Variants in PPP5C observed in about 807,000 individuals in gnomAD.
PPP5C encodes protein phosphatase 5 catalytic subunit.
In PPP5C, 21 loss-of-function variants were observed where a neutral mutation model predicts 66.7. That is an observed-to-expected ratio of 0.31 (90% CI 0.22 to 0.45). The LOEUF (loss-of-function observed/expected upper bound fraction) is 0.45. PPP5C is among the 20% of genes least tolerant of loss of function. PPP5C has a pLI of 1.00. For missense variants in PPP5C, 464 were observed against 675.9 expected (o/e 0.69, Z 3.48); for synonymous variants, 246 against 257.4 (o/e 0.96, Z 0.43).
At chr19:46,373,242 G>A (rs1171298014) in intron 2 of PPP5C, among the ~76,000 whole-genome samples, 4 of 152,242 alleles carry the variant, frequency 2.6e-5, no homozygotes, top group Non-Finnish European at 5.9e-5. Context: ...GGTGGTGGAA[G>A]GGGAGCCCAT....
intron 6 of PPP5C, 172 bp from the exon 7 acceptor site, chr19:46,384,632 A>G: frequency 1.7e-6 from 1 of 581,118 alleles, no homozygotes. Flanking sequence ...GGAAAGGATT[A>G]GAAACCCAGA....
chr19:46,354,172 C>T (rs947281212), intron 2 of PPP5C, among the ~76,000 whole-genome samples, 183 bp downstream of exon 2: 2 of 152,264 alleles, frequency 1.3e-5, no homozygotes, highest in African/African-American at 4.8e-5. Context: ...AGCCATCTCA[C>T]ATTTTGTGAC....
chr19:46,388,708 C>A lies in PPP5C; in HGVS notation c.1332C>A (p.Thr444=). ...TGGCTCACGGAGGCCGCTGTGTCAC[C>A]GTCTTCTCTGCCCCCAACTACTGGT... ...YEVAHGGRCV[T]VFSAPNYCDQ... Residue 444 remains threonine, a synonymous_variant, in exon 11 of 13, where the codon ACC becomes ACA. Transcript: ENST00000012443. This position sits in a 1 kb window ranked among gnomAD's most constrained non-coding sequence, Gnocchi z 4.9. The A allele has an allele frequency of 6.2e-7, 1 of 1,614,150 alleles. No individual in the cohort carries two copies. The highest frequency in any genetic ancestry group is 8.5e-7 in the Non-Finnish European group (1 of 1,180,006).
At chr19:46,370,890 G>A (rs992768720) in intron 2 of PPP5C, among the ~76,000 whole-genome samples, 2 of 152,072 alleles carry the variant, frequency 1.3e-5, no homozygotes, top group African/African-American at 4.8e-5. Context: ...ACAGGTGCCC[G>A]CCACTGCGTC....
At chr19:46,377,121 G>C (rs964481333) in intron 4 of PPP5C, among the ~76,000 whole-genome samples, 16 of 152,290 alleles carry the variant, frequency 1.1e-4, no homozygotes, top group African/African-American at 3.6e-4. Context: ...CCACCTCCTG[G>C]GTTGGTTATG....
At chr19:46,364,207 C>CGT (rs71961872) in intron 2 of PPP5C, among the ~76,000 whole-genome samples, 95 of 151,998 alleles carry the variant, frequency 6.3e-4, no homozygotes, top group African/African-American at 1.5e-3. Flanking sequence ...TATATATATA[C>CGT]GTGTGTGTGT....
At chr19:46,366,809 C>T (rs966842796) in intron 2 of PPP5C, among the ~76,000 whole-genome samples, 5 of 152,180 alleles carry the variant, frequency 3.3e-5, no homozygotes, top group African/African-American at 9.7e-5. Flanking sequence ...CTAGAGTCCA[C>T]GTAGCACGTG....
rs577565129 is a variant in PPP5C, at chr19:46,385,709, G to A, written c.904+800G>A. On this transcript the variant is annotated intron_variant, in intron 7 of 12. Coordinates refer to ENST00000012443, the MANE Select transcript of PPP5C (RefSeq NM_006247.4). ...GCAGGAGAATCGCTTGAACCCAGGAGGCACATGTTGCAATGAGCCGAGATT... is the reference window on the plus strand; with the variant it reads ...GCAGGAGAATCGCTTGAACCCAGGAAGCACATGTTGCAATGAGCCGAGATT... 2.6e-5 allele frequency among the ~76,000 whole-genome samples: 4 copies of A among 151,984 alleles called. No homozygotes were observed. In the South Asian group the frequency reaches 8.3e-4, roughly 32 times the overall value.
chr19:46,362,354 G>A (rs949888785), intron 2 of PPP5C, among the ~76,000 whole-genome samples: 2 of 151,960 alleles, frequency 1.3e-5, no homozygotes, highest in Admixed American at 6.6e-5. Flanking sequence ...AGTATCTTTT[G>A]TTTCTCTAAA....
chr19:46,371,609 C>T lies in PPP5C; in HGVS notation c.364-3995C>T, dbSNP rs537032841. 4.6e-5 allele frequency among the ~76,000 whole-genome samples: 7 copies of T among 152,280 alleles called. No individual in the cohort carries two copies. The East Asian group carries it at 7.7e-4, about 17-fold the overall frequency. On this transcript the variant is annotated intron_variant, in intron 2 of 12. Transcript: ENST00000012443. ...GCAGGCGCAGCGGGTCCGAGTTTCT[C>T]GGCACAGCACTCACCCTTAGCTCAG...
intron 2 of PPP5C, among the ~76,000 whole-genome samples, chr19:46,373,269 G>C (rs73553124): frequency 6.6e-6 from 1 of 152,256 alleles, no homozygotes; most frequent in African/African-American, 2.4e-5. Context: ...GTGCATAGCG[G>C]AAATCAGGAG....
chr19:46,368,428 G>A (rs1215374579), intron 2 of PPP5C, among the ~76,000 whole-genome samples: 1 of 152,222 alleles, frequency 6.6e-6, no homozygotes, highest in Non-Finnish European at 1.5e-5. Context: ...CAGTTGGCAA[G>A]GCCAGTGCCA....
At chr19:46,378,333 A>C (rs1972732128) in intron 4 of PPP5C, among the ~76,000 whole-genome samples, 1 of 152,152 alleles carries the variant, frequency 6.6e-6, no homozygotes, top group African/African-American at 2.4e-5. Flanking sequence ...CTGATTTCTA[A>C]TTTGGTCAGA....
intron 2 of PPP5C, among the ~76,000 whole-genome samples, chr19:46,363,163 CTGGG>C (rs1972422793): frequency 7.0e-6 from 1 of 142,516 alleles, no homozygotes. Context: ...AAACAATTAG[CTGGG>C]CATGGTGGCG....
Position 46,378,258 on chromosome 19 carries a change from A to T in PPP5C, c.633+1684A>T, listed in dbSNP as rs150872035. 1.8e-3 allele frequency among the ~76,000 whole-genome samples: 272 copies of T among 152,274 alleles called. 6 individuals carry two copies. Among genetic ancestry groups the T allele is most frequent in the Admixed American group, 9.6e-3 (146 of 15,282 alleles). On this transcript the variant is annotated intron_variant, in intron 4 of 12. Transcript: ENST00000012443. ...TTCTTTATGGTTTCTGATTTTATCC[A>T]TAGATTATTGAGAAGGGTATTGTTT...
chr19:46,354,581 C>T (rs1194061579), intron 2 of PPP5C, among the ~76,000 whole-genome samples: 2 of 152,048 alleles, frequency 1.3e-5, no homozygotes, highest in Non-Finnish European at 2.9e-5. Flanking sequence ...ATTGCTTGAG[C>T]CCAGGAGTTT....
Position 46,390,552 on chromosome 19 carries a change from A to T in PPP5C, c.*206A>T. Reference sequence around the variant, plus strand: ...CAGAGGGTCTGCTCCCTGGACAGAGAGGAAGGAGGTGGAGCAGCTGGGGCT... The same window carrying T: ...CAGAGGGTCTGCTCCCTGGACAGAGTGGAAGGAGGTGGAGCAGCTGGGGCT... On this transcript the variant is annotated 3_prime_UTR_variant, in exon 13 of 13. Coordinates refer to ENST00000012443, the MANE Select transcript of PPP5C (RefSeq NM_006247.4). The T allele has an allele frequency of 3.6e-6, 5 of 1,386,214 alleles. No homozygotes were observed. Among genetic ancestry groups the T allele is most frequent in the African/African-American group, 1.5e-5 (1 of 68,204 alleles). 85.9% of individuals were successfully genotyped at this position (1,386,214 alleles called of 1,614,324 possible).
rs184572508 is a variant in PPP5C at position 46,386,490 on chromosome 19, C to G, written c.905-603C>G. Reference sequence around the variant, plus strand: ...AAGCAGAGTCTGAGCAGATGCGAGACTGGGCAGCCTTCTCCTTGCCCCCAA... The same window carrying G: ...AAGCAGAGTCTGAGCAGATGCGAGAGTGGGCAGCCTTCTCCTTGCCCCCAA... On this transcript the variant is annotated intron_variant, in intron 7 of 12. Coordinates refer to ENST00000012443, the MANE Select transcript of PPP5C (RefSeq NM_006247.4). Among the ~76,000 whole-genome samples, 61 of 149,692 alleles carry G rather than the reference C, an allele frequency of 4.1e-4. 2 individuals are homozygous for G. In the East Asian group the frequency reaches 9.9e-3, roughly 24 times the overall value.
At position 46,376,775 on chromosome 19, in the gene PPP5C, C is replaced by T. The variant is rs1972704715; in HGVS notation, c.633+201C>T. On this transcript the variant is annotated intron_variant, in intron 4 of 12. Transcript: ENST00000012443. The surrounding 1 kb of genome is among the most constrained non-coding windows in gnomAD (Gnocchi z 5.1). ...CACAGCAGTTTGGGGAGGTGGCAGG[C>T]AGTGCCATTTGACAGATGCAGGGAC... The T allele has an allele frequency of 4.5e-6, 3 of 673,804 alleles. No individual in the cohort carries two copies. Among genetic ancestry groups the T allele is most frequent in the African/African-American group, 3.7e-5 (2 of 54,616 alleles). The allele number at this position is 673,804 out of a possible 1,614,324, so 41.7% of individuals were successfully genotyped here.
Sources: allele counts gnomAD v4.1 joint callset (sites outside exome capture counted in the v4.1 genomes callset), GRCh38; gene constraint gnomAD v4.1.1; non-coding constraint Gnocchi (gnomAD v3.1); transcripts MANE v1.5; gene names NCBI Gene and HGNC (gene_info 2026-07-23, HGNC 2026-07-21).